The following RAB4B variants were observed in gnomAD, a reference collection of about 807,000 sequenced individuals.
The protein encoded by RAB4B is RAB4B, member RAS oncogene family.
Under a neutral mutation model 28.3 loss-of-function variants are expected in RAB4B, and 15 were observed. That is an observed-to-expected ratio of 0.53 (90% CI 0.35 to 0.82). The LOEUF (loss-of-function observed/expected upper bound fraction) is 0.82, where lower values mean the gene tolerates loss of function less well. Ranked by LOEUF, RAB4B falls within the 40% of genes least tolerant of loss-of-function variation. RAB4B has a pLI of 0.01. For synonymous variants in RAB4B, 108 were observed against 116.3 expected, an observed-to-expected ratio of 0.93 and a Z score of 0.46; for missense variants, 244 against 288.5, an observed-to-expected ratio of 0.85 and a Z score of 1.12.
intron 7 of RAB4B, among the ~76,000 whole-genome samples, chr19:40,787,223 G>A (rs1203564700): frequency 6.6e-6 from 1 of 151,906 alleles, no homozygotes; most frequent in African/African-American, 2.4e-5. Context: ...CCCACTTCCA[G>A]ACAGTGACAG....
At chr19:40,788,660 C>A (rs1489977264) in intron 7 of RAB4B, among the ~76,000 whole-genome samples, 3 of 150,312 alleles carry the variant, frequency 2.0e-5, no homozygotes, top group African/African-American at 7.3e-5. Flanking sequence ...GATCTCGGCT[C>A]ACTGAAACCT....
At chr19:40,779,829 G>A (rs1282170938) in intron 1 of RAB4B, 190 bp from the exon 2 acceptor site, 1 of 1,348,520 alleles carries the variant, frequency 7.4e-7, no homozygotes, top group Non-Finnish European at 9.7e-7. Flanking sequence ...TATATAGAAT[G>A]TGCCTGGCAC....
At chr19:40,791,728 G>A (rs1164003624) in intron 7 of RAB4B, among the ~76,000 whole-genome samples, 1 of 152,040 alleles carries the variant, frequency 6.6e-6, no homozygotes, top group Non-Finnish European at 1.5e-5. Flanking sequence ...CCGCTTCCAG[G>A]TTCAAGCAAT....
At chr19:40,788,784 C>CTTTTTTTTTTTTTTTTTTTTTTTTTTT (rs1173685187) in intron 7 of RAB4B, among the ~76,000 whole-genome samples, 1 of 84,232 alleles carries the variant, frequency 1.2e-5, no homozygotes, top group Non-Finnish European at 2.3e-5. Flanking sequence ...GACAGGGTTT[C>CTTTTTTTTTTTTTTTTTTTTTTTTTTT]TTTTTTTTTT....
chr19:40,787,571 G>C (rs867633778), intron 7 of RAB4B, among the ~76,000 whole-genome samples: 1 of 150,678 alleles, frequency 6.6e-6, no homozygotes, highest in Admixed American at 6.6e-5. Context: ...GGACCAGATG[G>C]GGAGGCACTG....
At chr19:40,787,695 T>G (rs1599745622) in intron 7 of RAB4B, among the ~76,000 whole-genome samples, 1 of 144,384 alleles carries the variant, frequency 6.9e-6, no homozygotes. Context: ...AGGGGTCAGG[T>G]GGGATGAGGG....
At chr19:40,779,842 G>A in intron 1 of RAB4B, 177 bp from the exon 2 acceptor site, 1 of 1,418,306 alleles carries the variant, frequency 7.1e-7, no homozygotes, top group Non-Finnish European at 9.3e-7. Context: ...CCTGGCACAT[G>A]GCAAGTACTA....
intron 7 of RAB4B, among the ~76,000 whole-genome samples, chr19:40,791,222 T>G (rs1356055350): frequency 2.0e-5 from 3 of 152,052 alleles, no homozygotes; most frequent in African/African-American, 4.8e-5. Context: ...ACTCCTGACT[T>G]CAGGTGATTC....
chr19:40,783,806 G>T lies in RAB4B; in HGVS notation c.241G>T (p.Ala81Ser), dbSNP rs1240875338. 6.3e-7 allele frequency: 1 copy of T among 1,579,290 alleles called. No individual in the cohort carries two copies. Among genetic ancestry groups the T allele is most frequent in the Non-Finnish European group, 8.6e-7 (1 of 1,159,872 alleles). The change falls in exon 4 of 8, where the codon GCG (alanine) becomes TCG (serine). Residue 81 changes from alanine to serine, a missense_variant. Transcript: ENST00000357052. Reference protein sequence around the residue: ...RSVTRSYYRGAAGALLVYDIT... With the variant: ...RSVTRSYYRGSAGALLVYDIT... The stretch of plus-strand genomic sequence containing the variant: ...AGTGACGCGGAGTTATTACCGAGGG[G>T]CGGCTGGAGCCCTGCTGGTGTACGA...
chr19:40,795,446 C>T (rs191777526), intron 7 of RAB4B, among the ~76,000 whole-genome samples: 34 of 151,750 alleles, frequency 2.2e-4, no homozygotes, highest in African/African-American at 4.8e-5. Flanking sequence ...GTTGCCCGGG[C>T]TGGAGTGCAG....
intron 5 of RAB4B, among the ~76,000 whole-genome samples, chr19:40,784,518 A>G (rs998493891): frequency 2.0e-5 from 3 of 152,078 alleles, no homozygotes; most frequent in African/African-American, 7.2e-5. Context: ...CAACAAAACA[A>G]CAACAAAACT....
chr19:40,784,873 T>C (rs969246746), intron 5 of RAB4B, among the ~76,000 whole-genome samples: 3 of 151,096 alleles, frequency 2.0e-5, no homozygotes, highest in African/African-American at 7.3e-5. Context: ...CGGAGTCTTG[T>C]TCTGTTGCCC....
intron 1 of RAB4B, chr19:40,778,947 A>T (rs2083021883): frequency 1.0e-6 from 1 of 985,994 alleles, no homozygotes; most frequent in African/African-American, 1.7e-5. Flanking sequence ...GGGATGCACC[A>T]TAGGAGGTGG....
At chr19:40,786,802 C>CG in intron 6 of RAB4B, 42 bp downstream of exon 6, 2 of 1,614,098 alleles carry the variant, frequency 1.2e-6, no homozygotes, top group African/African-American at 2.7e-5. Flanking sequence ...AGGGCAGGCC[C>CG]GGGGGTCTCC....
At chr19:40,795,741 CTT>C (rs2089499256) in intron 7 of RAB4B, among the ~76,000 whole-genome samples, 1 of 148,436 alleles carries the variant, frequency 6.7e-6, no homozygotes, top group Non-Finnish European at 1.5e-5. Context: ...GAGTTTCGCT[CTT>C]GTTGCCCAGG....
chr19:40,788,784 CTTTT>C (rs1173685187), intron 7 of RAB4B, among the ~76,000 whole-genome samples: 1 of 84,232 alleles, frequency 1.2e-5, no homozygotes, highest in Admixed American at 1.3e-4. Context: ...GACAGGGTTT[CTTTT>C]TTTTTTTTTT....
At position 40,786,720 on chromosome 19, in the gene RAB4B, C is replaced by T. The variant is rs1382848004; in HGVS notation, c.486C>T (p.Phe162=). The change falls in exon 6 of 8, where the codon TTC becomes TTT. Residue 162 remains phenylalanine (F), a synonymous_variant. Transcript: ENST00000357052. Reference sequence around the variant, plus strand: ...CAGGCGAGAACGTGGAGGAGGCGTTCCTCAAGTGTGCCCGCACTATCCTCA... The same window carrying T: ...CAGGCGAGAACGTGGAGGAGGCGTTTCTCAAGTGTGCCCGCACTATCCTCA... The part of the protein sequence containing the change: ...ALTGENVEEA[F]LKCARTILNK... 2.5e-6 allele frequency: 4 copies of T among 1,613,984 alleles called. No individual in the cohort carries two copies. Among genetic ancestry groups the T allele is most frequent in the East Asian group, 4.5e-5 (2 of 44,886 alleles).
chr19:40,787,961 CAAA>C (rs56997006), intron 7 of RAB4B, among the ~76,000 whole-genome samples: 7 of 69,460 alleles, frequency 1.0e-4, no homozygotes, highest in African/African-American at 4.0e-4. Flanking sequence ...GACTCTGTCT[CAAA>C]AAAAAAAAAA....
chr19:40,789,331 T>A (rs916667146), intron 7 of RAB4B, among the ~76,000 whole-genome samples: 1 of 151,644 alleles, frequency 6.6e-6, no homozygotes, highest in Admixed American at 6.6e-5. Flanking sequence ...GTCTCCTGAG[T>A]AGCTGGGATT....
Sources: allele counts gnomAD v4.1 joint callset (sites outside exome capture counted in the v4.1 genomes callset), GRCh38; gene constraint gnomAD v4.1.1; transcripts MANE v1.5; gene names NCBI Gene and HGNC (gene_info 2026-07-23, HGNC 2026-07-21).